The following ZNF385D variants were observed in gnomAD, a reference collection of about 807,000 sequenced individuals.
ZNF385D encodes zinc finger protein 659.
In ZNF385D, 15 loss-of-function variants were observed where a neutral mutation model predicts 35.8. The observed-to-expected ratio is 0.42, with a 90% CI of 0.28 to 0.64. The LOEUF is 0.64. ZNF385D is among the 30% of genes least tolerant of loss of function. ZNF385D has a pLI of 0.23. For synonymous variants in ZNF385D, 212 were observed against 186.8 expected, an observed-to-expected ratio of 1.13 and a Z score of -1.10; for missense variants, 474 against 494.6, an observed-to-expected ratio of 0.96 and a Z score of 0.39.
chr3:21,810,764 G>A (rs1341954670), intron 3 of ZNF385D, among the ~76,000 whole-genome samples: 1 of 151,946 alleles, frequency 6.6e-6, no homozygotes, highest in Non-Finnish European at 1.5e-5. Context: ...AGATGCATAT[G>A]AAGCTGGAGA....
chr3:22,030,408 G>C (rs1697923135), intron 3 of ZNF385D, among the ~76,000 whole-genome samples: 1 of 148,134 alleles, frequency 6.8e-6, no homozygotes, highest in Non-Finnish European at 1.5e-5. Flanking sequence ...CATGGTGAAA[G>C]TCAAGGGATA....
intron 3 of ZNF385D, among the ~76,000 whole-genome samples, chr3:22,081,991 AT>A (rs67970020): frequency 0.018 from 2,333 of 133,290 alleles, 40 homozygotes; most frequent in East Asian, 0.13. Flanking sequence ...GGGGTTTTCT[AT>A]TTTTTTTTTT....
chr3:21,765,811 G>C (rs2070807216), intron 3 of ZNF385D, among the ~76,000 whole-genome samples: 1 of 151,980 alleles, frequency 6.6e-6, no homozygotes, highest in African/African-American at 2.4e-5. Context: ...GGCTAGGTAG[G>C]CTTTGGTTAA....
intron 3 of ZNF385D, among the ~76,000 whole-genome samples, chr3:21,854,675 G>A (rs1166997876): frequency 1.3e-5 from 2 of 151,690 alleles, no homozygotes; most frequent in African/African-American, 2.4e-5. Context: ...CTGTCTCTTT[G>A]ACTTACCAAA....
chr3:22,169,551 G>A (rs983253382), intron 2 of ZNF385D, among the ~76,000 whole-genome samples: 1 of 152,026 alleles, frequency 6.6e-6, no homozygotes, highest in Non-Finnish European at 1.5e-5. Flanking sequence ...ACATCTGGAT[G>A]GACACATTCT....
chr3:22,178,468 A>G (rs1342963976), intron 2 of ZNF385D, among the ~76,000 whole-genome samples: 2 of 152,034 alleles, frequency 1.3e-5, no homozygotes, highest in Admixed American at 6.6e-5. Context: ...TTCTTTGTAG[A>G]TTCTGGATAT....
chr3:21,486,581 A>G (rs1036535755), intron 4 of ZNF385D, among the ~76,000 whole-genome samples: 5 of 152,282 alleles, frequency 3.3e-5, no homozygotes, highest in Non-Finnish European at 5.9e-5. Flanking sequence ...AAACATCTTG[A>G]CTGAATTTCC....
chr3:22,285,729 T>TA (rs1052389479), intron 2 of ZNF385D, among the ~76,000 whole-genome samples: 1 of 151,932 alleles, frequency 6.6e-6, no homozygotes, highest in African/African-American at 2.4e-5. Context: ...TCCCCTTCCC[T>TA]AGTAGGAAGA....
chr3:22,363,400 C>G (rs1434665180), intron 2 of ZNF385D, among the ~76,000 whole-genome samples: 2 of 152,018 alleles, frequency 1.3e-5, no homozygotes, highest in African/African-American at 4.8e-5. Context: ...GTATGTGGCC[C>G]CCTCATCATT....
In ZNF385D at chr3:22,155,269, T is replaced by A. The variant is rs553688210; in HGVS notation, c.325+13548A>T. Among the ~76,000 whole-genome samples, 5 of 152,240 alleles carry A rather than the reference T, an allele frequency of 3.3e-5. No homozygotes were observed. In the East Asian group the frequency reaches 9.7e-4, roughly 29 times the overall value. ...TGATTGCTGTGGTAAAGAAATTATT[T>A]CAGAATCAGTCATATGGGATGTGGG... On this transcript the variant is annotated intron_variant, in intron 3 of 5. Coordinates refer to the ZNF385D transcript ENST00000494108.
intron 2 of ZNF385D, among the ~76,000 whole-genome samples, chr3:21,575,821 G>A (rs914287888): frequency 2.6e-5 from 4 of 152,132 alleles, no homozygotes; most frequent in Admixed American, 2.0e-4. Flanking sequence ...TTAGCAGAGT[G>A]GCTCACACTT....
intron 2 of ZNF385D, among the ~76,000 whole-genome samples, chr3:22,221,579 C>G (rs947123135): frequency 1.3e-5 from 2 of 152,074 alleles, no homozygotes; most frequent in Non-Finnish European, 2.9e-5. Context: ...TTTATATCAT[C>G]GGGGTTTCTC....
At chr3:21,463,615 C>T (rs1703323706) in intron 4 of ZNF385D, among the ~76,000 whole-genome samples, 1 of 152,112 alleles carries the variant, frequency 6.6e-6, no homozygotes, top group Admixed American at 6.5e-5. Context: ...GGCTGGCTCG[C>T]TTTCTCTCAC....
chr3:21,821,316 T>A (rs2125735049), intron 3 of ZNF385D, among the ~76,000 whole-genome samples: 1 of 152,268 alleles, frequency 6.6e-6, no homozygotes, highest in South Asian at 2.1e-4. Context: ...ATTGTCCTTA[T>A]CTCAATAGTA....
intron 3 of ZNF385D, among the ~76,000 whole-genome samples, chr3:22,145,987 G>C (rs911353769): frequency 6.6e-6 from 1 of 152,170 alleles, no homozygotes; most frequent in African/African-American, 2.4e-5. Context: ...CCAATGCATA[G>C]AGTCTAGGTG....
At position 22,152,194 on chromosome 3, in the gene ZNF385D, T is replaced by C. The variant is rs574592234; in HGVS notation, c.325+16623A>G. On this transcript the variant is annotated intron_variant, in intron 3 of 5. Coordinates refer to the ZNF385D transcript ENST00000494108. The stretch of plus-strand genomic sequence containing the variant: ...GCAAATGATATGATCTCGTTCTTTT[T>C]TATGGCTGCATAGTAATTTAAACAA... Among the ~76,000 whole-genome samples the C allele has an allele frequency of 5.9e-5, 9 of 152,302 alleles. No individual in the cohort carries two copies. In the East Asian group the frequency reaches 9.7e-4, roughly 16 times the overall value.
intron 3 of ZNF385D, among the ~76,000 whole-genome samples, chr3:22,111,152 A>ATTTTTTTTTTTT (rs61708178): frequency 1.6e-4 from 11 of 68,974 alleles, no homozygotes; most frequent in East Asian, 7.4e-4. Flanking sequence ...TCCATGTTGG[A>ATTTTTTTTTTTT]TTTTTTTTTT....
At chr3:21,530,995 G>C (rs2061908788) in intron 3 of ZNF385D, among the ~76,000 whole-genome samples, 1 of 152,040 alleles carries the variant, frequency 6.6e-6, no homozygotes, top group Non-Finnish European at 1.5e-5. Flanking sequence ...ATTGACCTGA[G>C]ACCCACACTT....
At chr3:21,499,406 C>T (rs767512704) in intron 4 of ZNF385D, among the ~76,000 whole-genome samples, 3 of 152,036 alleles carry the variant, frequency 2.0e-5, no homozygotes, top group Non-Finnish European at 4.4e-5. Flanking sequence ...AATATTTTCA[C>T]TTATGAATGG....
Sources: allele counts gnomAD v4.1 joint callset (sites outside exome capture counted in the v4.1 genomes callset), GRCh38; gene constraint gnomAD v4.1.1; transcripts MANE v1.5; gene names NCBI Gene and HGNC (gene_info 2026-07-23, HGNC 2026-07-21).